The following SNTG1 variants were observed in gnomAD, a reference collection of about 807,000 sequenced individuals.
SNTG1 encodes syntrophin gamma 1.
In SNTG1, 39 loss-of-function variants were observed where a neutral mutation model predicts 74.7. The observed-to-expected ratio is 0.52, with a 90% confidence interval of 0.40 to 0.68. SNTG1 has a LOEUF of 0.68. Among genes scored for constraint, SNTG1 ranks in the 30% least tolerant of loss-of-function variants. SNTG1 has a pLI of 0.00. For missense variants in SNTG1, 685 were observed against 609.5 expected, an observed-to-expected ratio of 1.12 and a Z score of -1.30; for synonymous variants, 254 against 217.1, an observed-to-expected ratio of 1.17 and a Z score of -1.49.
intron 1 of SNTG1, among the ~76,000 whole-genome samples, chr8:50,047,506 C>A (rs762057637): frequency 6.6e-6 from 1 of 152,050 alleles, no homozygotes; most frequent in African/African-American, 2.4e-5. Context: ...TTAAGAGATA[C>A]TAGGTAATCA....
At position 50,277,891 on chromosome 8, in the gene SNTG1, A is replaced by T. The variant is rs545291987; in HGVS notation, c.-28+105256A>T. ...TACCTAATCAGGATTTACATTAACTAGGAAGAGCACGCTGGCTCACACCTG... is the reference window on the plus strand; with the variant it reads ...TACCTAATCAGGATTTACATTAACTTGGAAGAGCACGCTGGCTCACACCTG... On this transcript the variant is annotated intron_variant, in intron 2 of 18. Coordinates refer to ENST00000642720, the MANE Select transcript of SNTG1 (RefSeq NM_018967.5). 3.9e-5 allele frequency among the ~76,000 whole-genome samples: 6 copies of T among 152,282 alleles called. No homozygotes were observed. The South Asian group carries it at 6.2e-4, about 16-fold the overall frequency.
At chr8:50,089,924 T>G (rs1463173908) in intron 1 of SNTG1, among the ~76,000 whole-genome samples, 1 of 152,208 alleles carries the variant, frequency 6.6e-6, no homozygotes, top group African/African-American at 2.4e-5. Context: ...CCCAAATGAC[T>G]ATAAATCATG....
chr8:50,630,586 A>G (rs1047959266), intron 13 of SNTG1, among the ~76,000 whole-genome samples: 1 of 152,202 alleles, frequency 6.6e-6, no homozygotes, highest in Admixed American at 6.5e-5. Flanking sequence ...TATTTTATAT[A>G]TAAATACTAC....
chr8:50,404,549 T>G (rs1043530051), intron 4 of SNTG1, among the ~76,000 whole-genome samples: 32 of 152,014 alleles, frequency 2.1e-4, no homozygotes, highest in Admixed American at 6.6e-5. Flanking sequence ...TGTAATGCTG[T>G]AATAAATTCA....
chr8:50,474,656 G>T (rs1360664805), intron 8 of SNTG1, among the ~76,000 whole-genome samples: 1 of 152,156 alleles, frequency 6.6e-6, no homozygotes, highest in African/African-American at 2.4e-5. Flanking sequence ...AAATGTTGTG[G>T]AAGTCGGTGT....
intron 13 of SNTG1, among the ~76,000 whole-genome samples, chr8:50,608,309 C>T (rs1231485698): frequency 6.6e-6 from 1 of 151,458 alleles, no homozygotes; most frequent in Non-Finnish European, 1.5e-5. Context: ...CGTAAATCTC[C>T]AACTCTCATT....
intron 1 of SNTG1, among the ~76,000 whole-genome samples, chr8:49,954,206 G>GT (rs928079137): frequency 1.3e-5 from 2 of 152,152 alleles, no homozygotes; most frequent in African/African-American, 4.8e-5. Context: ...ACCAGAGAGA[G>GT]AATCACATAT....
chr8:50,732,538 G>T (rs1324635174), intron 17 of SNTG1, among the ~76,000 whole-genome samples: 1 of 151,594 alleles, frequency 6.6e-6, no homozygotes, highest in Non-Finnish European at 1.5e-5. Flanking sequence ...TTCATTTTTT[G>T]ATATTCATTA....
chr8:50,510,567 C>T (rs1776955579), intron 9 of SNTG1, among the ~76,000 whole-genome samples: 1 of 152,124 alleles, frequency 6.6e-6, no homozygotes, highest in African/African-American at 2.4e-5. Flanking sequence ...GGTTGGTAAG[C>T]TATTAATTAT....
chr8:50,352,388 G>A (rs570887275), intron 2 of SNTG1, among the ~76,000 whole-genome samples: 4 of 150,052 alleles, frequency 2.7e-5, no homozygotes, highest in Non-Finnish European at 3.0e-5. Flanking sequence ...TTTTTGGTTC[G>A]TTCTTTCTCT....
At chr8:49,928,703 T>A (rs867441507) in intron 1 of SNTG1, among the ~76,000 whole-genome samples, 6 of 152,052 alleles carry the variant, frequency 3.9e-5, no homozygotes, top group African/African-American at 7.2e-5. Context: ...TTTAATTTTT[T>A]AAAAATTAGA....
chr8:50,157,997 T>C (rs1176428018), intron 1 of SNTG1, among the ~76,000 whole-genome samples: 1 of 152,172 alleles, frequency 6.6e-6, no homozygotes, highest in African/African-American at 2.4e-5. Context: ...TCCTGGCTTA[T>C]GTCAACTGTC....
At chr8:50,049,705 G>T (rs1254392403) in intron 1 of SNTG1, among the ~76,000 whole-genome samples, 1 of 151,870 alleles carries the variant, frequency 6.6e-6, no homozygotes, top group African/African-American at 2.4e-5. Flanking sequence ...CTACATTCGG[G>T]GCCATAAAGT....
intron 12 of SNTG1, among the ~76,000 whole-genome samples, chr8:50,556,022 C>T (rs1402860226): frequency 3.3e-5 from 5 of 152,054 alleles, no homozygotes; most frequent in East Asian, 3.9e-4. Flanking sequence ...ATTTTCATAC[C>T]CAGTTTTTAA....
chr8:50,481,740 A>G (rs2093742417), intron 8 of SNTG1, among the ~76,000 whole-genome samples: 1 of 152,246 alleles, frequency 6.6e-6, no homozygotes. Context: ...TTCTACTTAT[A>G]TCAAGGAATG....
chr8:50,444,335 C>T (rs1297793003), intron 5 of SNTG1, among the ~76,000 whole-genome samples: 13 of 152,082 alleles, frequency 8.5e-5, no homozygotes, highest in Non-Finnish European at 1.6e-4. Flanking sequence ...ACAACCATTG[C>T]TATAAGTGCA....
At chr8:49,924,198 A>C in intron 1 of SNTG1, among the ~76,000 whole-genome samples, 1 of 152,326 alleles carries the variant, frequency 6.6e-6, no homozygotes, top group South Asian at 2.1e-4. Flanking sequence ...TTATAAAATA[A>C]GTTTCACCGG....
intron 15 of SNTG1, among the ~76,000 whole-genome samples, chr8:50,676,266 T>C (rs1021062024): frequency 6.6e-6 from 1 of 151,468 alleles, no homozygotes; most frequent in Non-Finnish European, 1.5e-5. Flanking sequence ...CTTCAGGTAC[T>C]CCAGGTTTGG....
At chr8:50,712,636 C>T (rs780565906) in intron 17 of SNTG1, among the ~76,000 whole-genome samples, 11 of 152,000 alleles carry the variant, frequency 7.2e-5, no homozygotes, top group Non-Finnish European at 1.3e-4. Flanking sequence ...GGTATTTGAC[C>T]TAATGTTATC....
Sources: allele counts gnomAD v4.1 joint callset (sites outside exome capture counted in the v4.1 genomes callset), GRCh38; gene constraint gnomAD v4.1.1; transcripts MANE v1.5; gene names NCBI Gene and HGNC (gene_info 2026-07-23, HGNC 2026-07-21).